Variants in EPB41L2 observed in about 807,000 individuals in gnomAD.
The protein encoded by EPB41L2 is band 4.1-like protein 2.
Under a neutral mutation model 113.0 loss-of-function variants are expected in EPB41L2, and 43 were observed. That is an observed-to-expected ratio of 0.38 (90% CI 0.30 to 0.49). EPB41L2 has a LOEUF of 0.49. EPB41L2 is among the 20% of genes least tolerant of loss of function. The probability of loss-of-function intolerance (pLI) is 0.95; values close to 1 mark genes in which losing one functional copy is unlikely to be tolerated. For missense variants in EPB41L2, 1,147 were observed against 1,223.4 expected (o/e 0.94, Z 0.93); for synonymous variants, 442 against 436.7 (o/e 1.01, Z -0.15).
rs146905211 is a variant in EPB41L2, at chr6:130,949,541, G to A, written c.705+5564C>T. On this transcript the variant is annotated intron_variant, in intron 3 of 19. Coordinates refer to ENST00000337057, the MANE Select transcript of EPB41L2 (RefSeq NM_001431.4). Reference sequence around the variant, plus strand: ...GGGACTGCCACTGCACTCCAGTCTGGGCAACAGAGAGAGATCCTGTTGAAA... The same window carrying A: ...GGGACTGCCACTGCACTCCAGTCTGAGCAACAGAGAGAGATCCTGTTGAAA... Among the ~76,000 whole-genome samples the A allele has an allele frequency of 3.7e-4, 57 of 152,054 alleles. 1 individual carries two copies. The East Asian group carries it at 0.01, about 27-fold the overall frequency.
At chr6:130,893,235 T>A (rs1278154269) in intron 10 of EPB41L2, among the ~76,000 whole-genome samples, 1 of 152,076 alleles carries the variant, frequency 6.6e-6, no homozygotes, top group Non-Finnish European at 1.5e-5. Flanking sequence ...AGGTACCCAC[T>A]AGGGAACAAA....
At chr6:130,999,900 T>A (rs1360179075) in intron 1 of EPB41L2, among the ~76,000 whole-genome samples, 1 of 152,168 alleles carries the variant, frequency 6.6e-6, no homozygotes, top group Non-Finnish European at 1.5e-5. Flanking sequence ...CCTAACCTCC[T>A]GGCAAAAAAT....
chr6:131,057,874 A>G (rs1438506998), intron 1 of EPB41L2, among the ~76,000 whole-genome samples: 2 of 152,212 alleles, frequency 1.3e-5, no homozygotes, highest in Admixed American at 1.3e-4. Context: ...CAGTGACAAA[A>G]CCACTTTGGG....
At position 130,890,483 on chromosome 6, in the gene EPB41L2, A is replaced by G; in HGVS notation, c.1488-17T>C. 1.3e-6 allele frequency: 2 copies of G among 1,575,002 alleles called. No homozygotes were observed. The highest frequency in any genetic ancestry group is 1.2e-5 in the South Asian group (1 of 84,290). On this transcript the variant is annotated splice_polypyrimidine_tract_variant and intron_variant, in intron 10 of 19. Transcript: ENST00000337057. ...GAAACAAGCCTATGGGAGGAAAAAA[A>G]AAAAAAAAGAGAGAGAGAAAGGGGA... is the stretch of plus-strand genomic sequence containing the variant.
intron 18 of EPB41L2, among the ~76,000 whole-genome samples, chr6:130,858,545 G>C (rs569766929): frequency 1.3e-5 from 2 of 152,340 alleles, no homozygotes; most frequent in South Asian, 4.1e-4. Flanking sequence ...CAGTTCTTTG[G>C]AGCTTAGCAT....
chr6:130,963,389 T>C (rs1001372694), intron 1 of EPB41L2, among the ~76,000 whole-genome samples: 3 of 152,180 alleles, frequency 2.0e-5, no homozygotes, highest in African/African-American at 7.2e-5. Context: ...CAAATGATGT[T>C]CAATTTTTAA....
rs531155097 is a variant in EPB41L2, at chr6:130,929,595, C to A, written c.706-2886G>T. 4.6e-5 allele frequency among the ~76,000 whole-genome samples: 7 copies of A among 152,130 alleles called. No homozygotes were observed. The South Asian group carries it at 8.3e-4, about 18-fold the overall frequency. ...AAGATACCAGGGAATCAATGATGAGCACGACAAACATGGTCTCAGGAAATT... is the reference window on the plus strand; with the variant it reads ...AAGATACCAGGGAATCAATGATGAGAACGACAAACATGGTCTCAGGAAATT... On this transcript the variant is annotated intron_variant, in intron 3 of 19. Coordinates refer to ENST00000337057, the MANE Select transcript of EPB41L2 (RefSeq NM_001431.4).
intron 14 of EPB41L2, among the ~76,000 whole-genome samples, chr6:130,871,560 C>T (rs1428697123): frequency 6.6e-6 from 1 of 152,176 alleles, no homozygotes; most frequent in Non-Finnish European, 1.5e-5. Context: ...ATCACACACA[C>T]ACGTCTCTGC....
chr6:131,008,032 G>C (rs1785999352), intron 1 of EPB41L2, among the ~76,000 whole-genome samples: 1 of 152,242 alleles, frequency 6.6e-6, no homozygotes. Flanking sequence ...AAATTTGCAT[G>C]AGCAACAAGG....
At chr6:130,970,384 A>G (rs527719694) in intron 1 of EPB41L2, 6 of 152,332 alleles carry the variant, frequency 3.9e-5, no homozygotes, top group African/African-American at 1.4e-4. Context: ...AACGAGCAAG[A>G]CTGGCTCCAC....
chr6:130,997,517 A>C (rs1332498601), intron 1 of EPB41L2, among the ~76,000 whole-genome samples: 1 of 152,208 alleles, frequency 6.6e-6, no homozygotes, highest in Non-Finnish European at 1.5e-5. Flanking sequence ...AGATCAAGAA[A>C]GAGCCTTTCT....
intron 10 of EPB41L2, among the ~76,000 whole-genome samples, chr6:130,891,371 GGT>G (rs1792782193): frequency 6.6e-6 from 1 of 151,850 alleles, no homozygotes; most frequent in Non-Finnish European, 1.5e-5. Context: ...CACTCAGAAT[GGT>G]GACAGGCTCT....
intron 13 of EPB41L2, among the ~76,000 whole-genome samples, chr6:130,879,650 T>G (rs1788638569): frequency 6.6e-6 from 1 of 152,176 alleles, no homozygotes; most frequent in Non-Finnish European, 1.5e-5. Context: ...ATTAGCATAT[T>G]CTCAAACAGA....
rs1281134219 is a variant in EPB41L2, at chr6:130,977,356, T to C, written c.-14-20857A>G. 4.0e-5 allele frequency among the ~76,000 whole-genome samples: 6 copies of C among 148,698 alleles called. No homozygotes were observed. In the East Asian group the frequency reaches 1.0e-3, roughly 26 times the overall value. On this transcript the variant is annotated intron_variant, in intron 1 of 19. Coordinates refer to ENST00000337057, the MANE Select transcript of EPB41L2 (RefSeq NM_001431.4). ...AATCTAAGGCCCAGCAGTTAGATTATTTACATAGCAAATCAGTAGCAAGAT... is the reference window on the plus strand; with the variant it reads ...AATCTAAGGCCCAGCAGTTAGATTACTTACATAGCAAATCAGTAGCAAGAT...
chr6:130,940,329 A>G (rs184938791), intron 3 of EPB41L2, among the ~76,000 whole-genome samples: 2 of 152,274 alleles, frequency 1.3e-5, no homozygotes, highest in East Asian at 3.9e-4. Flanking sequence ...GTCATCCTTG[A>G]TACGCAAGGA....
chr6:130,917,093 T>C (rs1299967038), intron 4 of EPB41L2, among the ~76,000 whole-genome samples: 1 of 152,222 alleles, frequency 6.6e-6, no homozygotes, highest in Non-Finnish European at 1.5e-5. Context: ...CAGGTCTTTT[T>C]ATTCTACTTG....
rs917227349 is a variant in EPB41L2, at chr6:131,060,285, C to T, written c.-15+2870G>A. Among the ~76,000 whole-genome samples, 3 of 152,176 alleles carry T rather than the reference C, an allele frequency of 2.0e-5. No individual in the cohort carries two copies. In the East Asian group the frequency reaches 5.8e-4, roughly 29 times the overall value. Reference sequence around the variant, plus strand: ...CCTAAATGAAATGGCAAAGATACAACCTTTGTAGTTCACCAGCCACAGTAA... The same window carrying T: ...CCTAAATGAAATGGCAAAGATACAATCTTTGTAGTTCACCAGCCACAGTAA... On this transcript the variant is annotated intron_variant, in intron 1 of 19. Transcript: ENST00000337057.
chr6:130,921,500 A>T (rs1305127244), intron 4 of EPB41L2, among the ~76,000 whole-genome samples: 5 of 152,138 alleles, frequency 3.3e-5, no homozygotes, highest in Non-Finnish European at 7.4e-5. Flanking sequence ...GAGAGGCTGG[A>T]ACTGCCACAT....
chr6:130,871,213 C>T (rs753467230), intron 14 of EPB41L2, among the ~76,000 whole-genome samples: 9 of 152,096 alleles, frequency 5.9e-5, no homozygotes, highest in Non-Finnish European at 1.3e-4. Context: ...AGGGTGGAAA[C>T]CTTTTTGTAC....
Sources: allele counts gnomAD v4.1 joint callset (sites outside exome capture counted in the v4.1 genomes callset), GRCh38; gene constraint gnomAD v4.1.1; transcripts MANE v1.5; gene names NCBI Gene and HGNC (gene_info 2026-07-23, HGNC 2026-07-21).